Variants in EDIL3 observed in about 807,000 individuals in gnomAD.
EDIL3 encodes the protein EGF-like repeat and discoidin I-like domain-containing protein 3.
In EDIL3, 37 loss-of-function variants were observed where a neutral mutation model predicts 67.4. That is an observed-to-expected ratio of 0.55 (90% CI 0.42 to 0.72). The LOEUF (loss-of-function observed/expected upper bound fraction) is 0.72, where lower values mean the gene tolerates loss of function less well. Ranked by LOEUF, EDIL3 falls within the 30% of genes least tolerant of loss-of-function variation. The pLI, the probability that EDIL3 is intolerant of heterozygous loss-of-function variation, is 0.00. For missense variants in EDIL3, 527 were observed against 586.3 expected (o/e 0.90, Z 1.04); for synonymous variants, 195 against 196.3 (o/e 0.99, Z 0.05).
At chr5:83,953,862 G>A (rs1291563144) in intron 10 of EDIL3, among the ~76,000 whole-genome samples, 2 of 151,772 alleles carry the variant, frequency 1.3e-5, no homozygotes, top group African/African-American at 4.8e-5. Context: ...TTTGTCCCAA[G>A]AGTGCTCTAT....
intron 9 of EDIL3, among the ~76,000 whole-genome samples, chr5:84,051,417 G>A (rs1251761641): frequency 6.6e-6 from 1 of 152,192 alleles, no homozygotes; most frequent in African/African-American, 2.4e-5. Flanking sequence ...CTCCTGCAAA[G>A]GAACGCAGCT....
At position 83,994,252 on chromosome 5, in the gene EDIL3, T is replaced by C. The variant is rs74848549; in HGVS notation, c.1138-30892A>G. On this transcript the variant is annotated intron_variant, in intron 9 of 10. Transcript: ENST00000296591. ...CTATACTCTGTTTCAATAATTACTA[T>C]ATGTTATTCCTCTATCCTCAGTAGA... Among the ~76,000 whole-genome samples, 1,271 of 152,270 alleles carry C rather than the reference T, an allele frequency of 8.3e-3. 13 individuals carry two copies. Among genetic ancestry groups the C allele is most frequent in the African/African-American group, 0.029 (1,221 of 41,546 alleles).
chr5:84,160,794 C>CCTTTCCTTT (rs1561449391), intron 4 of EDIL3, among the ~76,000 whole-genome samples: 1 of 107,656 alleles, frequency 9.3e-6, no homozygotes, highest in African/African-American at 3.5e-5. Context: ...CCTTTCCTTT[C>CCTTTCCTTT]CTTTCCTTTC....
chr5:84,016,331 C>G (rs909702440), intron 9 of EDIL3, among the ~76,000 whole-genome samples: 1 of 152,150 alleles, frequency 6.6e-6, no homozygotes, highest in Non-Finnish European at 1.5e-5. Context: ...TATCAAAACA[C>G]TGCCTAGCTC....
At chr5:84,116,088 A>G (rs1394020722) in intron 5 of EDIL3, among the ~76,000 whole-genome samples, 2 of 151,786 alleles carry the variant, frequency 1.3e-5, no homozygotes, top group Non-Finnish European at 2.9e-5. Flanking sequence ...AAACCCAATT[A>G]CCAGCTATAT....
At chr5:83,956,222 T>C (rs890567479) in intron 10 of EDIL3, among the ~76,000 whole-genome samples, 1 of 151,736 alleles carries the variant, frequency 6.6e-6, no homozygotes, top group African/African-American at 2.4e-5. Flanking sequence ...CTTAAACCCT[T>C]CTTTACCCTG....
intron 1 of EDIL3, among the ~76,000 whole-genome samples, chr5:84,337,813 C>T (rs1200839350): frequency 1.3e-5 from 2 of 152,040 alleles, no homozygotes; most frequent in African/African-American, 2.4e-5. Context: ...CTATAATCTT[C>T]AATTTCATGT....
chr5:83,963,479 T>C (rs1175639955), intron 9 of EDIL3, 119 bp from the exon 10 acceptor site: 8 of 1,168,484 alleles, frequency 6.8e-6, no homozygotes, highest in African/African-American at 4.8e-5. Flanking sequence ...TGTCTAGTTA[T>C]TTGTATTTTG....
intron 9 of EDIL3, among the ~76,000 whole-genome samples, chr5:84,035,400 G>C (rs749502024): frequency 6.6e-6 from 1 of 151,910 alleles, no homozygotes; most frequent in Non-Finnish European, 1.5e-5. Context: ...TTAGCTAGTG[G>C]ATTAAGCAAT....
Position 84,384,233 on chromosome 5 carries a change from CG to C in EDIL3, c.67+74del. The C allele has an allele frequency of 2.0e-6, 3 of 1,535,532 alleles. No homozygotes were observed. The Middle Eastern group carries it at 5.6e-4, about 284-fold the overall frequency. On this transcript the variant is annotated intron_variant, in intron 1 of 10. Coordinates refer to ENST00000296591, the MANE Select transcript of EDIL3 (RefSeq NM_005711.5). ...CTTGGCACGCCGGAGGGACCGCCTCCGGCCCCCTGCGCGGCGTTTCTCAGGG... is the reference window on the plus strand; with the variant it reads ...CTTGGCACGCCGGAGGGACCGCCTCCGCCCCCTGCGCGGCGTTTCTCAGGG...
rs1463358431 is a variant in EDIL3 at position 84,103,578 on chromosome 5, AAAG to A, written c.651+3068_651+3070del. ...AAAGGACATAAACAGACAATTTTCA[AAAG>A]AAGACATACATGCAGCCAACAATCA... On this transcript the variant is annotated intron_variant, in intron 6 of 10. Coordinates refer to ENST00000296591, the MANE Select transcript of EDIL3 (RefSeq NM_005711.5). Among the ~76,000 whole-genome samples the A allele has an allele frequency of 2.0e-5, 3 of 152,282 alleles. No homozygotes were observed. In the East Asian group the frequency reaches 5.8e-4, roughly 29 times the overall value.
At chr5:84,204,796 C>T (rs1179665893) in intron 3 of EDIL3, among the ~76,000 whole-genome samples, 1 of 115,386 alleles carries the variant, frequency 8.7e-6, no homozygotes, top group African/African-American at 3.6e-5. Flanking sequence ...TGGCCCAAGG[C>T]CAATATTTAA....
rs571836356 is a variant in EDIL3 at position 84,187,422 on chromosome 5, A to G, written c.227-6901T>C. Among the ~76,000 whole-genome samples, 92 of 152,142 alleles carry G rather than the reference A, an allele frequency of 6.0e-4. 2 individuals are homozygous for G. The highest frequency in any genetic ancestry group is 9.4e-4 in the Non-Finnish European group (64 of 67,996). On this transcript the variant is annotated intron_variant, in intron 3 of 10. Transcript: ENST00000296591. ...TACACAAGCAGATTATTAGAAAGTG[A>G]ATAGGTTAACATTCTCCTGTGATAA...
intron 1 of EDIL3, among the ~76,000 whole-genome samples, chr5:84,312,088 C>T (rs527515933): frequency 9.2e-5 from 14 of 152,138 alleles, no homozygotes; most frequent in South Asian, 2.1e-4. Context: ...ACCTCCCAGA[C>T]GGGGTGGTGG....
At chr5:84,032,546 T>A (rs1026988518) in intron 9 of EDIL3, among the ~76,000 whole-genome samples, 23 of 152,330 alleles carry the variant, frequency 1.5e-4, no homozygotes, top group Admixed American at 1.2e-3. Context: ...TCAGGGTTTT[T>A]AAATATTTGC....
intron 1 of EDIL3, among the ~76,000 whole-genome samples, chr5:84,304,501 C>T (rs1276883528): frequency 6.6e-6 from 1 of 152,188 alleles, no homozygotes; most frequent in Admixed American, 6.5e-5. Flanking sequence ...CTCTATTCCA[C>T]TTCTCTTGCT....
intron 9 of EDIL3, among the ~76,000 whole-genome samples, chr5:84,032,646 C>A (rs900197571): frequency 1.3e-5 from 2 of 152,038 alleles, no homozygotes; most frequent in African/African-American, 2.4e-5. Context: ...CATTTTCAAG[C>A]ACTGTTCTGA....
intron 4 of EDIL3, among the ~76,000 whole-genome samples, chr5:84,152,610 C>T (rs1003987982): frequency 2.0e-5 from 3 of 152,128 alleles, no homozygotes; most frequent in African/African-American, 7.2e-5. Flanking sequence ...AGTGTAACAT[C>T]GTCTGCTTAA....
intron 3 of EDIL3, among the ~76,000 whole-genome samples, chr5:84,218,932 C>T (rs964569958): frequency 6.6e-6 from 1 of 152,304 alleles, no homozygotes; most frequent in East Asian, 1.9e-4. Context: ...GGGAATTTGC[C>T]ACCCTGAAGC....
Sources: gnomAD v4.1 joint callset for allele counts (sites outside exome capture counted in the v4.1 genomes callset) on GRCh38, gnomAD v4.1.1 for gene constraint, MANE v1.5 for transcripts, NCBI Gene and HGNC (gene_info 2026-07-23, HGNC 2026-07-21) for gene names.